TTC27: variants seen among roughly 807,000 people sequenced by gnomAD.
The protein encoded by TTC27 is tetratricopeptide repeat protein 27.
In TTC27, 79 loss-of-function variants were observed where a neutral mutation model predicts 115.9. The ratio of observed to expected loss-of-function variants is 0.68; its 90% confidence interval spans 0.57 to 0.82. The LOEUF (loss-of-function observed/expected upper bound fraction) is 0.82, where lower values mean the gene tolerates loss of function less well. Among genes scored for constraint, TTC27 ranks in the 40% least tolerant of loss-of-function variants. TTC27 has a pLI of 0.00. For synonymous variants in TTC27, 401 were observed against 356.0 expected (o/e 1.13, Z -1.42); for missense variants, 1,054 against 993.1 (o/e 1.06, Z -0.82).
At chr2:32,680,734 G>T (rs1338162807) in intron 9 of TTC27, among the ~76,000 whole-genome samples, 1 of 152,146 alleles carries the variant, frequency 6.6e-6, no homozygotes, top group Non-Finnish European at 1.5e-5. Context: ...GACAGGAAAT[G>T]TTTCTGCTGG....
At chr2:32,790,439 A>G (rs1278269449) in intron 16 of TTC27, among the ~76,000 whole-genome samples, 1 of 152,132 alleles carries the variant, frequency 6.6e-6, no homozygotes, top group Non-Finnish European at 1.5e-5. Flanking sequence ...TTTTATTAAT[A>G]ATATTTTAAT....
intron 16 of TTC27, among the ~76,000 whole-genome samples, chr2:32,791,217 T>C (rs1670523805): frequency 6.6e-6 from 1 of 152,232 alleles, no homozygotes; most frequent in African/African-American, 2.4e-5. Flanking sequence ...CGAATCCTCA[T>C]ATATAGCCAT....
At chr2:32,748,360 T>G (rs1259335334) in intron 12 of TTC27, among the ~76,000 whole-genome samples, 1 of 152,218 alleles carries the variant, frequency 6.6e-6, no homozygotes, top group Non-Finnish European at 1.5e-5. Flanking sequence ...TCGTATAGTA[T>G]ATCCTGGAGA....
chr2:32,665,008 A>T (rs1243809386), intron 6 of TTC27, among the ~76,000 whole-genome samples: 3 of 144,324 alleles, frequency 2.1e-5, no homozygotes, highest in East Asian at 2.0e-4. Flanking sequence ...AATTTTTTTT[A>T]TTTTTTTTTT....
At chr2:32,655,300 T>A (rs115296293) in intron 5 of TTC27, among the ~76,000 whole-genome samples, 4,440 of 152,046 alleles carry the variant, frequency 0.029, 96 homozygotes, top group African/African-American at 0.055. Context: ...CGCCTGGCTA[T>A]TTTTTAAATT....
chr2:32,675,649 G>C (rs1054309246), intron 8 of TTC27, among the ~76,000 whole-genome samples: 5 of 151,990 alleles, frequency 3.3e-5, no homozygotes, highest in Non-Finnish European at 7.4e-5. Context: ...AGTTACTGTG[G>C]GGTTTTTAAA....
intron 10 of TTC27, among the ~76,000 whole-genome samples, chr2:32,723,728 CTCCTTCCTTCCT>C (rs3077160): frequency 0.039 from 1,137 of 29,492 alleles, 24 homozygotes; most frequent in East Asian, 0.066. Flanking sequence ...CCCTCCCTCC[CTCCTTCCTTCCT>C]TCCTTCCTTC....
chr2:32,679,922 C>A (rs534616918), intron 9 of TTC27, among the ~76,000 whole-genome samples: 1 of 152,244 alleles, frequency 6.6e-6, no homozygotes, highest in South Asian at 2.1e-4. Flanking sequence ...ACCCGGAAGG[C>A]GGAGGTTGCA....
chr2:32,805,090 C>T (rs1671084337), intron 16 of TTC27, among the ~76,000 whole-genome samples: 1 of 152,130 alleles, frequency 6.6e-6, no homozygotes, highest in African/African-American at 2.4e-5. Flanking sequence ...GTAGCAAATG[C>T]TTGATAACAG....
chr2:32,752,212 C>T lies in TTC27; in HGVS notation c.1453-6080C>T, dbSNP rs540374225. On this transcript the variant is annotated intron_variant, in intron 12 of 19. Transcript: ENST00000317907. ...CTTTTCCCCAGCTTACACGGAACAT[C>T]TACCATAGCACTTTTCAAAAATGCT... Among the ~76,000 whole-genome samples the T allele has an allele frequency of 2.0e-5, 3 of 152,342 alleles. No individual in the cohort carries two copies. The East Asian group carries it at 5.8e-4, about 29-fold the overall frequency.
At chr2:32,687,790 C>G (rs1288034180) in intron 9 of TTC27, among the ~76,000 whole-genome samples, 1 of 152,098 alleles carries the variant, frequency 6.6e-6, no homozygotes, top group Non-Finnish European at 1.5e-5. Context: ...CTAATAATGG[C>G]TCCACAGTAC....
At chr2:32,672,027 A>G (rs1349734447) in intron 7 of TTC27, among the ~76,000 whole-genome samples, 4 of 152,216 alleles carry the variant, frequency 2.6e-5, no homozygotes, top group Non-Finnish European at 5.9e-5. Context: ...TACTTGGCTC[A>G]ATCAGTGATA....
At chr2:32,806,220 A>C (rs547812378) in intron 16 of TTC27, among the ~76,000 whole-genome samples, 83 of 152,084 alleles carry the variant, frequency 5.5e-4, no homozygotes, top group Non-Finnish European at 1.0e-3. Context: ...AAAAACATTC[A>C]CCTATTTAAA....
rs766394446 is a variant in TTC27, at chr2:32,736,781, G to A, written c.1417G>A (p.Val473Ile). The A allele has an allele frequency of 1.2e-6, 2 of 1,614,000 alleles. No homozygotes were observed. Among genetic ancestry groups the A allele is most frequent in the Non-Finnish European group, 1.7e-6 (2 of 1,179,926 alleles). ...AAAGCTAGAAATGTGGGAAGATGTT[G>A]TCATTTGTTATGAAAGAGCCGGGCA... ...FEKLEMWEDVVICYERAGQHG... is the reference protein window; with the variant it reads ...FEKLEMWEDVIICYERAGQHG... Residue 473 changes from valine (V) to isoleucine (I), a missense_variant, in exon 12 of 20, where the codon GTC becomes ATC. Transcript: ENST00000317907.
chr2:32,639,974 G>C (rs1467506878), intron 3 of TTC27, among the ~76,000 whole-genome samples: 5 of 152,104 alleles, frequency 3.3e-5, no homozygotes, highest in Non-Finnish European at 7.3e-5. Context: ...ACTCCAGCCT[G>C]GGCAACAGAG....
intron 9 of TTC27, among the ~76,000 whole-genome samples, chr2:32,686,299 A>AT (rs997017921): frequency 0.018 from 2,710 of 149,736 alleles, 75 homozygotes; most frequent in African/African-American, 0.063. Flanking sequence ...CCCCATAGGC[A>AT]TTTTTTTTTT....
chr2:32,763,987 A>G (rs567606511), intron 13 of TTC27, among the ~76,000 whole-genome samples: 39 of 152,284 alleles, frequency 2.6e-4, no homozygotes, highest in African/African-American at 9.1e-4. Context: ...ATTCCTGTTA[A>G]CACTCTACTT....
In TTC27 at chr2:32,770,292, C is replaced by T. The variant is rs116642226; in HGVS notation, c.1681-7590C>T. Among the ~76,000 whole-genome samples the T allele has an allele frequency of 5.3e-3, 805 of 151,882 alleles. 8 individuals carry two copies. The highest frequency in any genetic ancestry group is 0.018 in the African/African-American group (765 of 41,406). On this transcript the variant is annotated intron_variant, in intron 13 of 19. Transcript: ENST00000317907. Reference sequence around the variant, plus strand: ...TCACTGAGTTACTTATTGTTTTTACCCTACTTTCATAAATGAAGAAATAGA... The same window carrying T: ...TCACTGAGTTACTTATTGTTTTTACTCTACTTTCATAAATGAAGAAATAGA...
rs186666147 is a variant in TTC27 at position 32,639,111 on chromosome 2, T to C, written c.397-1159T>C. Among the ~76,000 whole-genome samples the C allele has an allele frequency of 4.9e-3, 749 of 151,808 alleles. 4 individuals are homozygous for C. Among genetic ancestry groups the C allele is most frequent in the African/African-American group, 0.015 (629 of 41,420 alleles). On this transcript the variant is annotated intron_variant, in intron 3 of 19. Transcript: ENST00000317907. ...CCTCCCAAAGTGCTGGGATTACAGATGTGAGCCACCGTGCCCGGCCCAGTT... is the reference window on the plus strand; with the variant it reads ...CCTCCCAAAGTGCTGGGATTACAGACGTGAGCCACCGTGCCCGGCCCAGTT...
Sources: gnomAD v4.1 joint callset for allele counts (sites outside exome capture counted in the v4.1 genomes callset) on GRCh38, gnomAD v4.1.1 for gene constraint, MANE v1.5 for transcripts, NCBI Gene and HGNC (gene_info 2026-07-23, HGNC 2026-07-21) for gene names.